Variants in CTXN2 observed in about 807,000 individuals in gnomAD.
The protein encoded by CTXN2 is cortexin 2, also known as cortexin-2.
In CTXN2, 3 loss-of-function variants were observed where a neutral mutation model predicts 5.7. That is an observed-to-expected ratio of 0.53 (90% CI 0.24 to 1.36). The LOEUF is 1.36. Ranked by LOEUF, CTXN2 falls within the 40% of genes most tolerant of loss-of-function variation. CTXN2 has a pLI of 0.17. For synonymous variants in CTXN2, 38 were observed against 36.4 expected, an observed-to-expected ratio of 1.04 and a Z score of -0.16; for missense variants, 87 against 93.0, an observed-to-expected ratio of 0.94 and a Z score of 0.26.
At chr15:48,193,481 T>C (rs1486658833) in intron 1 of CTXN2, among the ~76,000 whole-genome samples, 1 of 152,102 alleles carries the variant, frequency 6.6e-6, no homozygotes, top group Non-Finnish European at 1.5e-5. Flanking sequence ...TCTTAACTAT[T>C]TTTATATGGA....
chr15:48,193,969 T>TA (rs1369331501), intron 1 of CTXN2, among the ~76,000 whole-genome samples: 1 of 152,132 alleles, frequency 6.6e-6, no homozygotes, highest in African/African-American at 2.4e-5. Flanking sequence ...TTTAAATTAC[T>TA]AAAACCATCT....
intron 1 of CTXN2, among the ~76,000 whole-genome samples, chr15:48,195,918 A>G (rs1477701388): frequency 1.3e-5 from 2 of 152,138 alleles, no homozygotes; most frequent in African/African-American, 4.8e-5. Context: ...CCTTGTGTGT[A>G]CATGGCTCTT....
chr15:48,191,048 C>T (rs576594756), upstream of CTXN2: 1 of 152,474 alleles, frequency 6.6e-6, no homozygotes, highest in African/African-American at 2.4e-5. Context: ...CGGACAGCGC[C>T]TAGGCGCCTT....
At chr15:48,178,936 T>G (rs946601657) in intron 1 of CTXN2, among the ~76,000 whole-genome samples, 1 of 151,784 alleles carries the variant, frequency 6.6e-6, no homozygotes, top group Non-Finnish European at 1.5e-5. Context: ...TGGACATCAA[T>G]CAATATGGGG....
intron 1 of CTXN2, among the ~76,000 whole-genome samples, chr15:48,198,269 A>G (rs2040897613): frequency 6.6e-6 from 1 of 152,028 alleles, no homozygotes; most frequent in African/African-American, 2.4e-5. Flanking sequence ...TCAAATAAAA[A>G]TTTTCTTTTT....
At chr15:48,185,476 T>A (rs1423264936) in intron 1 of CTXN2, among the ~76,000 whole-genome samples, 1 of 152,010 alleles carries the variant, frequency 6.6e-6, no homozygotes, top group African/African-American at 2.4e-5. Flanking sequence ...ATAACAAAAA[T>A]AACTGGCAAT....
intron 1 of CTXN2, among the ~76,000 whole-genome samples, chr15:48,195,565 A>T (rs1337091047): frequency 3.3e-5 from 5 of 152,016 alleles, no homozygotes; most frequent in Non-Finnish European, 7.4e-5. Flanking sequence ...CTCTGAAAAA[A>T]TCCAGTATTT....
chr15:48,199,221 T>C (rs1437841406), intron 1 of CTXN2, among the ~76,000 whole-genome samples: 1 of 152,174 alleles, frequency 6.6e-6, no homozygotes, highest in Admixed American at 6.5e-5. Flanking sequence ...GAGTATGGTC[T>C]TCCCTGGGAA....
At chr15:48,188,584 T>C (rs2140973203), upstream of CTXN2, among the ~76,000 whole-genome samples, 1 of 152,312 alleles carries the variant, frequency 6.6e-6, no homozygotes, top group Non-Finnish European at 1.5e-5. Context: ...CTGTTTCACA[T>C]AGAATTACTG....
chr15:48,190,460 TGTG>T (rs1300878525), upstream of CTXN2, among the ~76,000 whole-genome samples: 1 of 152,212 alleles, frequency 6.6e-6, no homozygotes. Context: ...TTTTAAAAAA[TGTG>T]GTCTTATATG....
intron 1 of CTXN2, among the ~76,000 whole-genome samples, chr15:48,196,342 T>C (rs545733870): frequency 1.3e-5 from 2 of 152,228 alleles, no homozygotes; most frequent in South Asian, 2.1e-4. Flanking sequence ...GAGTGTTTTT[T>C]CCATGTGCTA....
At chr15:48,197,402 A>G (rs1052440291) in intron 1 of CTXN2, among the ~76,000 whole-genome samples, 8 of 151,986 alleles carry the variant, frequency 5.3e-5, no homozygotes, top group Non-Finnish European at 4.4e-5. Flanking sequence ...CTTTATGACT[A>G]TGAGTACCTG....
At chr15:48,194,381 GTTTA>G (rs1415961672) in intron 1 of CTXN2, among the ~76,000 whole-genome samples, 1 of 151,996 alleles carries the variant, frequency 6.6e-6, no homozygotes, top group Non-Finnish European at 1.5e-5. Flanking sequence ...TTTCTGTCAA[GTTTA>G]TTTACCACCT....
intron 1 of CTXN2, among the ~76,000 whole-genome samples, chr15:48,181,007 A>T (rs2040697818): frequency 6.6e-6 from 1 of 152,172 alleles, no homozygotes; most frequent in Non-Finnish European, 1.5e-5. Flanking sequence ...ATGCATGTTT[A>T]TGTGTGTGTA....
intron 1 of CTXN2, among the ~76,000 whole-genome samples, chr15:48,193,410 T>A (rs1384133425): frequency 6.7e-6 from 1 of 150,330 alleles, no homozygotes; most frequent in African/African-American, 2.4e-5. Context: ...TATAATATAT[T>A]TCAAATAACT....
intron 1 of CTXN2, among the ~76,000 whole-genome samples, chr15:48,179,452 T>C (rs1261600067): frequency 2.6e-5 from 4 of 151,538 alleles, no homozygotes; most frequent in Admixed American, 2.0e-4. Flanking sequence ...CACACACACA[T>C]AATCAGAACA....
chr15:48,186,942 A>C (rs1163595569), upstream of CTXN2, among the ~76,000 whole-genome samples: 1 of 151,412 alleles, frequency 6.6e-6, no homozygotes, highest in East Asian at 1.9e-4. Flanking sequence ...GTAGGAGTTT[A>C]AGCCATTCAA....
chr15:48,187,236 T>C (rs1311337637), upstream of CTXN2, among the ~76,000 whole-genome samples: 7 of 150,514 alleles, frequency 4.7e-5, no homozygotes, highest in South Asian at 2.1e-4. Flanking sequence ...CTCATATACA[T>C]AGGAGTTCAT....
chr15:48,180,674 G>C (rs2040694576), intron 1 of CTXN2, among the ~76,000 whole-genome samples: 1 of 152,144 alleles, frequency 6.6e-6, no homozygotes. Context: ...AGCAGGCCCG[G>C]CTAATTTTTT....
Sources: allele counts gnomAD v4.1 joint callset (sites outside exome capture counted in the v4.1 genomes callset), GRCh38; gene constraint gnomAD v4.1.1; transcripts MANE v1.5; gene names NCBI Gene and HGNC (gene_info 2026-07-23, HGNC 2026-07-21).